The following ZNF793 variants were observed in gnomAD, a reference collection of about 807,000 sequenced individuals.
ZNF793 encodes zinc finger protein 793.
ZNF793 carries 5 observed loss-of-function variants against 12.4 expected under a neutral mutation model. That is an observed-to-expected ratio of 0.40 (90% CI 0.21 to 0.84). The LOEUF (loss-of-function observed/expected upper bound fraction) is 0.84, where lower values mean the gene tolerates loss of function less well. Among genes scored for constraint, ZNF793 ranks in the 40% least tolerant of loss-of-function variants. The pLI is 0.35. For synonymous variants in ZNF793, 162 were observed against 172.4 expected (o/e 0.94, Z 0.47); for missense variants, 456 against 495.0 (o/e 0.92, Z 0.75).
intron 2 of ZNF793, among the ~76,000 whole-genome samples, chr19:37,512,930 AT>A (rs370750926): frequency 2.7e-5 from 4 of 150,858 alleles, no homozygotes; most frequent in African/African-American, 4.9e-5. Context: ...GTTCTCGGTC[AT>A]TTTTTTTTAC....
intron 3 of ZNF793, among the ~76,000 whole-genome samples, 200 bp from the exon 4 acceptor site, chr19:37,522,332 G>A (rs2147079938): frequency 6.6e-6 from 1 of 152,108 alleles, no homozygotes. Flanking sequence ...TGAGTAGCTG[G>A]GATTACAGGT....
Position 37,537,513 on chromosome 19 carries a change from T to C in ZNF793, c.855T>C (p.Cys285=). 6.2e-7 allele frequency: 1 copy of C among 1,613,366 alleles called. No individual in the cohort carries two copies. The highest frequency in any genetic ancestry group is 8.5e-7 in the Non-Finnish European group (1 of 1,179,596). Reference sequence around the variant, plus strand: ...ACACTGGGGTAAGACCCTTTGAATGTTTTTTTTGTGGGAAAGCCTTTACCC... The same window carrying C: ...ACACTGGGGTAAGACCCTTTGAATGCTTTTTTTGTGGGAAAGCCTTTACCC... The part of the protein sequence containing the change: ...RIHTGVRPFE[C]FFCGKAFTQK... Residue 285 remains cysteine, a synonymous_variant, in exon 8 of 8, where the codon TGT becomes TGC. Coordinates refer to ENST00000627814, the MANE Select transcript of ZNF793 (RefSeq NM_001013659.3).
chr19:37,508,980 CA>C (rs2042273060), intron 2 of ZNF793, among the ~76,000 whole-genome samples: 1 of 152,106 alleles, frequency 6.6e-6, no homozygotes, highest in African/African-American at 2.4e-5. Context: ...CCACAACCGC[CA>C]CAAAACAAAA....
In ZNF793 at chr19:37,538,754, G is replaced by C. The variant is rs559685641; in HGVS notation, c.*875G>C. The C allele has an allele frequency of 6.6e-6, 1 of 152,238 alleles. No homozygotes were observed. The highest frequency in any genetic ancestry group is 2.4e-5 in the African/African-American group (1 of 41,456). 9.4% of individuals were successfully genotyped at this position (152,238 alleles called of 1,614,324 possible). On this transcript the variant is annotated 3_prime_UTR_variant, in exon 8 of 8. Transcript: ENST00000627814. ...AATAACAGCAGAATACAAAATATCT[G>C]TGAAGAGACTTAAAGGCATACTCTG... is the stretch of plus-strand genomic sequence containing the variant.
intron 3 of ZNF793, among the ~76,000 whole-genome samples, chr19:37,521,496 C>T (rs902210658): frequency 7.2e-6 from 1 of 137,946 alleles, no homozygotes; most frequent in South Asian, 2.3e-4. Context: ...AGTGCAATGG[C>T]GCGATCTCTG....
At chr19:37,531,564 C>T (rs1279796814) in intron 5 of ZNF793, among the ~76,000 whole-genome samples, 1 of 152,206 alleles carries the variant, frequency 6.6e-6, no homozygotes, top group Non-Finnish European at 1.5e-5. Flanking sequence ...GCCCCCCGGC[C>T]TTTGTTCCCA....
chr19:37,532,571 G>T (rs1297100952), intron 6 of ZNF793, 89 bp downstream of exon 6: 2 of 1,447,022 alleles, frequency 1.4e-6, no homozygotes, highest in African/African-American at 1.4e-5. Context: ...AGTACTTTGG[G>T]AGGCCAAGGC....
chr19:37,517,414 C>G lies in ZNF793; in HGVS notation c.-275-2770C>G, dbSNP rs148873992. On this transcript the variant is annotated intron_variant, in intron 2 of 7. Transcript: ENST00000627814. Reference sequence around the variant, plus strand: ...GAGGCTGCAGTGAGCTGAGATCGCACCACCGCACTCCAGCCTGGGCAACAA... The same window carrying G: ...GAGGCTGCAGTGAGCTGAGATCGCAGCACCGCACTCCAGCCTGGGCAACAA... Among the ~76,000 whole-genome samples, 501 of 149,590 alleles carry G rather than the reference C, an allele frequency of 3.3e-3. 4 individuals carry two copies. The highest frequency in any genetic ancestry group is 0.012 in the African/African-American group (471 of 40,392).
At chr19:37,532,520 G>T in intron 6 of ZNF793, 38 bp downstream of exon 6, 1 of 1,523,612 alleles carries the variant, frequency 6.6e-7, no homozygotes, top group South Asian at 1.3e-5. Flanking sequence ...GATTATGTTC[G>T]AATGACCACC....
At chr19:37,530,528 T>C (rs928705210) in intron 5 of ZNF793, among the ~76,000 whole-genome samples, 2 of 152,166 alleles carry the variant, frequency 1.3e-5, no homozygotes, top group African/African-American at 2.4e-5. Context: ...TGATGACTCT[T>C]AAGGAGCATG....
chr19:37,528,977 C>G (rs2042436915), intron 5 of ZNF793, among the ~76,000 whole-genome samples: 1 of 152,114 alleles, frequency 6.6e-6, no homozygotes, highest in Admixed American at 6.6e-5. Context: ...GGTCCCCAGG[C>G]AGGTCCAGCA....
intron 2 of ZNF793, among the ~76,000 whole-genome samples, chr19:37,517,779 A>C (rs537594382): frequency 2.0e-5 from 3 of 151,742 alleles, no homozygotes; most frequent in Non-Finnish European, 4.4e-5. Flanking sequence ...TTCTATTTCT[A>C]TCAGTTTCTA....
Position 37,532,292 on chromosome 19 carries a change from C to T in ZNF793, c.16-64C>T, listed in dbSNP as rs537859672. On this transcript the variant is annotated intron_variant, in intron 5 of 7. Coordinates refer to ENST00000627814, the MANE Select transcript of ZNF793 (RefSeq NM_001013659.3). Reference sequence around the variant, plus strand: ...GTGCTGGGATTATAGGCATGAGCCACCATGCCTGGCCCTGCACAAACATTT... The same window carrying T: ...GTGCTGGGATTATAGGCATGAGCCATCATGCCTGGCCCTGCACAAACATTT... The T allele has an allele frequency of 8.4e-6, 13 of 1,552,662 alleles. No individual in the cohort carries two copies. The Admixed American group carries it at 1.7e-4, about 21-fold the overall frequency.
intron 5 of ZNF793, 105 bp downstream of exon 5, chr19:37,523,559 G>A: frequency 9.0e-7 from 1 of 1,107,774 alleles, no homozygotes. Flanking sequence ...ATACAGGCTG[G>A]GTTCTCAGGG....
chr19:37,532,491 A>T lies in ZNF793; in HGVS notation c.142+9A>T. The stretch of plus-strand genomic sequence containing the variant: ...CAACCTCGTCTCAGTGGGTAAGAAC[A>T]TCCTCACCATACAATGCAGATTATG... On this transcript the variant is annotated intron_variant, in intron 6 of 7. Coordinates refer to ENST00000627814, the MANE Select transcript of ZNF793 (RefSeq NM_001013659.3). The T allele has an allele frequency of 1.3e-6, 2 of 1,594,566 alleles. No individual in the cohort carries two copies. Among genetic ancestry groups the T allele is most frequent in the Non-Finnish European group, 1.7e-6 (2 of 1,170,880 alleles).
chr19:37,537,644 A>C lies in ZNF793; in HGVS notation c.986A>C (p.His329Pro). ...SFGEKSYLNV[H>P]RKMHTGERPY... ...GGTGAGAAGTCATACCTCAATGTAC[A>C]TCGAAAAATGCACACAGGAGAAAGA... is the stretch of plus-strand genomic sequence containing the variant. The change falls in exon 8 of 8, where the codon CAT (histidine) becomes CCT (proline). Residue 329 changes from histidine (H) to proline (P), a missense_variant. His to Pro is a moderately conservative substitution (Grantham distance 77, BLOSUM62 -2). Coordinates refer to ENST00000627814, the MANE Select transcript of ZNF793 (RefSeq NM_001013659.3). 1 of 1,613,910 alleles carries C rather than the reference A, an allele frequency of 6.2e-7. No homozygotes were observed.
chr19:37,515,845 A>G (rs1183035964), intron 2 of ZNF793, among the ~76,000 whole-genome samples: 1 of 152,188 alleles, frequency 6.6e-6, no homozygotes, highest in Non-Finnish European at 1.5e-5. Context: ...TTCTTATATG[A>G]ATGGACAAAT....
intron 7 of ZNF793, chr19:37,534,694 C>A (rs1398167387): frequency 2.3e-5 from 3 of 128,196 alleles, no homozygotes; most frequent in Admixed American, 7.8e-5. Flanking sequence ...TTTTTTTTTT[C>A]TTTTTGAGAC....
chr19:37,520,848 T>G (rs1453263434), intron 3 of ZNF793, among the ~76,000 whole-genome samples: 3 of 152,134 alleles, frequency 2.0e-5, no homozygotes, highest in South Asian at 4.1e-4. Flanking sequence ...CTCAGAATGG[T>G]GGTGGTGGCA....
Sources: allele counts gnomAD v4.1 joint callset (sites outside exome capture counted in the v4.1 genomes callset), GRCh38; gene constraint gnomAD v4.1.1; transcripts MANE v1.5; gene names NCBI Gene and HGNC (gene_info 2026-07-23, HGNC 2026-07-21).